Variants in CSMD1 observed in about 807,000 individuals in gnomAD.
CSMD1 encodes CUB and Sushi multiple domains 1, also known as CUB and sushi domain-containing protein 1.
CSMD1 carries 213 observed loss-of-function variants against 417.5 expected under a neutral mutation model. The observed-to-expected ratio is 0.51, with a 90% confidence interval of 0.46 to 0.57. The LOEUF is 0.57. Among genes scored for constraint, CSMD1 ranks in the 20% least tolerant of loss-of-function variants. The pLI is 0.00. For missense variants in CSMD1, 6,923 were observed against 4,529.7 expected, an observed-to-expected ratio of 1.53 and a Z score of -15.17; for synonymous variants, 2,862 against 1,736.8, an observed-to-expected ratio of 1.65 and a Z score of -16.11.
In CSMD1 at chr8:3,575,025, T is replaced by TTAGGG; in HGVS notation, c.1263_1264insCCCTA (p.Ile422ProfsTer2). 1 of 1,613,532 alleles carries TTAGGG rather than the reference T, an allele frequency of 6.2e-7. No individual in the cohort carries two copies. Among genetic ancestry groups the TTAGGG allele is most frequent in the Non-Finnish European group, 8.5e-7 (1 of 1,179,786 alleles). ...TGAACCGGATAATTAGGGGAGGTAATGACGCCGCTGGGCCCACGCAGATTG... is the reference window on the plus strand; with the variant it reads ...TGAACCGGATAATTAGGGGAGGTAATTAGGGGACGCCGCTGGGCCCACGCAGATTG... On this transcript the variant is annotated frameshift_variant, in exon 10 of 70. Coordinates refer to ENST00000635120, the MANE Select transcript of CSMD1 (RefSeq NM_033225.6). LOFTEE classifies it high-confidence loss of function.
chr8:4,296,148 G>C (rs944028556), intron 3 of CSMD1, among the ~76,000 whole-genome samples: 1 of 152,038 alleles, frequency 6.6e-6, no homozygotes, highest in Admixed American at 6.6e-5. Context: ...AAAATGGAAG[G>C]TGTGGTCAAA....
chr8:3,356,415 G>A (rs1251813674), intron 21 of CSMD1, among the ~76,000 whole-genome samples: 1 of 152,178 alleles, frequency 6.6e-6, no homozygotes, highest in African/African-American at 2.4e-5. Flanking sequence ...TGTGGCTCAC[G>A]CCTGTAATCC....
intron 19 of CSMD1, among the ~76,000 whole-genome samples, chr8:3,367,479 A>G (rs1332496865): frequency 3.9e-5 from 6 of 152,066 alleles, no homozygotes; most frequent in African/African-American, 1.4e-4. Flanking sequence ...AGAGAAAAAG[A>G]GAGAGGTTAG....
Position 3,209,596 on chromosome 8 carries a change from G to C in CSMD1, c.4868-3976C>G, listed in dbSNP as rs1321349171. ...GGCCTCCCAAAGTGCTGGAATTACAGGTGTGAGCCACTGCACTCGGCTATT... is the reference window on the plus strand; with the variant it reads ...GGCCTCCCAAAGTGCTGGAATTACACGTGTGAGCCACTGCACTCGGCTATT... On this transcript the variant is annotated intron_variant, in intron 30 of 69. Coordinates refer to ENST00000635120, the MANE Select transcript of CSMD1 (RefSeq NM_033225.6). Among the ~76,000 whole-genome samples, 3 of 152,136 alleles carry C rather than the reference G, an allele frequency of 2.0e-5. No homozygotes were observed. In the East Asian group the frequency reaches 5.8e-4, roughly 29 times the overall value.
intron 1 of CSMD1, among the ~76,000 whole-genome samples, chr8:4,754,423 A>G (rs1039599273): frequency 5.9e-5 from 9 of 152,296 alleles, no homozygotes; most frequent in Non-Finnish European, 1.3e-4. Flanking sequence ...TCACATACAA[A>G]TAAGTAGTAA....
At chr8:3,752,990 T>C (rs555543627) in intron 6 of CSMD1, among the ~76,000 whole-genome samples, 1 of 152,320 alleles carries the variant, frequency 6.6e-6, no homozygotes, top group African/African-American at 2.4e-5. Flanking sequence ...TTAGATCCCT[T>C]TGCATTCTGA....
At chr8:4,345,306 C>G (rs922714343) in intron 3 of CSMD1, among the ~76,000 whole-genome samples, 1 of 152,020 alleles carries the variant, frequency 6.6e-6, no homozygotes, top group Admixed American at 6.6e-5. Flanking sequence ...TTTGAACACC[C>G]TAGAAGGTAA....
chr8:3,822,767 G>C (rs1263158993), intron 5 of CSMD1, among the ~76,000 whole-genome samples: 1 of 152,130 alleles, frequency 6.6e-6, no homozygotes, highest in South Asian at 2.1e-4. Flanking sequence ...GGTTTGTTGA[G>C]AATAAAGAGA....
intron 1 of CSMD1, among the ~76,000 whole-genome samples, chr8:4,942,389 C>G (rs1418841384): frequency 6.6e-6 from 1 of 152,144 alleles, no homozygotes; most frequent in African/African-American, 2.4e-5. Context: ...GCTGAGATTA[C>G]TCTTATCATG....
chr8:4,059,178 G>C (rs1798845619), intron 3 of CSMD1, among the ~76,000 whole-genome samples: 1 of 152,152 alleles, frequency 6.6e-6, no homozygotes, highest in Non-Finnish European at 1.5e-5. Context: ...TGAACAACCT[G>C]CTGCTGAATG....
At chr8:4,864,408 C>T (rs1049296862) in intron 1 of CSMD1, among the ~76,000 whole-genome samples, 1 of 151,866 alleles carries the variant, frequency 6.6e-6, no homozygotes, top group East Asian at 1.9e-4. Context: ...AAAAATATCA[C>T]TTCCTTACTT....
At chr8:3,030,340 G>T (rs1035989833) in intron 50 of CSMD1, among the ~76,000 whole-genome samples, 1 of 151,894 alleles carries the variant, frequency 6.6e-6, no homozygotes, top group Non-Finnish European at 1.5e-5. Context: ...TAATTACGAA[G>T]ATTTAGTAGC....
rs56102573 is a variant in CSMD1, at chr8:3,917,416, AAC to A, written c.818+80485_818+80486del. Among the ~76,000 whole-genome samples the A allele has an allele frequency of 3.3e-3, 497 of 150,140 alleles. 6 individuals carry two copies. The highest frequency in any genetic ancestry group is 0.011 in the African/African-American group (455 of 40,974). Reference sequence around the variant, plus strand: ...GAGTTTGGGTTTGGTTATACCACGAAACACACACACACACACACACACACGCT... The same window carrying A: ...GAGTTTGGGTTTGGTTATACCACGAAACACACACACACACACACACACGCT... On this transcript the variant is annotated intron_variant, in intron 5 of 69. Coordinates refer to ENST00000635120, the MANE Select transcript of CSMD1 (RefSeq NM_033225.6).
rs1809068667 is a variant in CSMD1, at chr8:3,018,586, A to G, written c.7920T>C (p.Tyr2640=). 6.2e-7 allele frequency: 1 copy of G among 1,613,764 alleles called. No homozygotes were observed. Among genetic ancestry groups the G allele is most frequent in the Non-Finnish European group, 8.5e-7 (1 of 1,179,820 alleles). The part of the protein sequence containing the change: ...NGNKIGTLTV[Y]GATAIFTCNT... ...TGCACGTAAATATAGCTGTGGCCCC[A>G]TAAACTGTCAACGTTCCAATCTTGT... is the stretch of plus-strand genomic sequence containing the variant. The change falls in exon 52 of 70, where the codon TAT becomes TAC. Residue 2640 remains tyrosine (Y), a synonymous_variant. Transcript: ENST00000635120.
At chr8:4,153,883 A>G (rs1398670406) in intron 3 of CSMD1, among the ~76,000 whole-genome samples, 1 of 152,238 alleles carries the variant, frequency 6.6e-6, no homozygotes, top group African/African-American at 2.4e-5. Context: ...ATGGCAGCAA[A>G]CTAACATCTC....
chr8:4,011,663 C>G (rs1585128947), intron 4 of CSMD1, among the ~76,000 whole-genome samples: 1 of 152,154 alleles, frequency 6.6e-6, no homozygotes, highest in Non-Finnish European at 1.5e-5. Flanking sequence ...CCTACACTTC[C>G]TAAATTTTTA....
chr8:4,175,790 G>A (rs777327483), intron 3 of CSMD1, among the ~76,000 whole-genome samples: 4 of 152,154 alleles, frequency 2.6e-5, no homozygotes, highest in Non-Finnish European at 5.9e-5. Context: ...ATACTATGAT[G>A]ATCATGGCAA....
At chr8:4,094,548 T>G (rs575763261) in intron 3 of CSMD1, among the ~76,000 whole-genome samples, 1 of 152,098 alleles carries the variant, frequency 6.6e-6, no homozygotes, top group Admixed American at 6.6e-5. Context: ...CAGTGGGAGA[T>G]TCTTGTAGAC....
chr8:4,251,764 G>C (rs143763628), intron 3 of CSMD1, among the ~76,000 whole-genome samples: 2 of 152,110 alleles, frequency 1.3e-5, no homozygotes, highest in South Asian at 2.1e-4. Flanking sequence ...GTGTGTGTGA[G>C]AGTGATGCAG....
Sources: allele counts gnomAD v4.1 joint callset (sites outside exome capture counted in the v4.1 genomes callset), GRCh38; gene constraint gnomAD v4.1.1; transcripts MANE v1.5; gene names NCBI Gene and HGNC (gene_info 2026-07-23, HGNC 2026-07-21).